The following MAEA variants were observed in gnomAD, a reference collection of about 807,000 sequenced individuals.
MAEA encodes E3 ubiquitin-protein transferase MAEA.
MAEA carries 22 observed loss-of-function variants against 46.2 expected under a neutral mutation model. The ratio of observed to expected loss-of-function variants is 0.48; its 90% confidence interval spans 0.34 to 0.68. MAEA has a LOEUF of 0.68. Ranked by LOEUF, MAEA falls within the 30% of genes least tolerant of loss-of-function variation. The pLI is 0.01. For synonymous variants in MAEA, 246 were observed against 222.6 expected (o/e 1.11, Z -0.94); for missense variants, 393 against 558.1 (o/e 0.70, Z 2.98).
intron 1 of MAEA, among the ~76,000 whole-genome samples, chr4:1,295,494 C>T (rs1734543353): frequency 6.6e-6 from 1 of 152,018 alleles, no homozygotes; most frequent in South Asian, 2.1e-4. Flanking sequence ...AGAGCAGCCT[C>T]CTTCCTCTCC....
chr4:1,322,459 C>G lies in MAEA; in HGVS notation c.535C>G (p.Leu179Val), dbSNP rs757150979. 6.2e-7 allele frequency: 1 copy of G among 1,614,046 alleles called. No homozygotes were observed. ...SLERRETATCLAWCHDNKSRL... is the reference protein window; with the variant it reads ...SLERRETATCVAWCHDNKSRL... ...GGAGAGGCGTGAGACGGCCACCTGC[C>G]TGGCCTGGTGCCATGACAACAAGTC... The change falls in exon 4 of 9, where the codon CTG becomes GTG. Residue 179 changes from leucine to valine, a missense_variant. Leu to Val is a conservative substitution (Grantham distance 32, BLOSUM62 1). Coordinates refer to ENST00000303400, the MANE Select transcript of MAEA (RefSeq NM_001017405.3).
At chr4:1,299,643 T>C (rs1410666259) in intron 1 of MAEA, 2 of 152,572 alleles carry the variant, frequency 1.3e-5, no homozygotes, top group Non-Finnish European at 2.9e-5. Context: ...CAGGCCAGCA[T>C]GCCGAGCCCA....
At chr4:1,308,519 T>A (rs1381972956) in intron 1 of MAEA, among the ~76,000 whole-genome samples, 1 of 152,230 alleles carries the variant, frequency 6.6e-6, no homozygotes, top group African/African-American at 2.4e-5. Flanking sequence ...CTCTACACGC[T>A]GCGCCGGGCA....
chr4:1,313,350 G>A (rs1245397719), intron 2 of MAEA, among the ~76,000 whole-genome samples: 1 of 152,006 alleles, frequency 6.6e-6, no homozygotes, highest in Non-Finnish European at 1.5e-5. Flanking sequence ...CACCACGATG[G>A]ACTGGAGACC....
chr4:1,309,470 G>A (rs908283726), intron 1 of MAEA: 1 of 1,314,866 alleles, frequency 7.6e-7, no homozygotes. Context: ...GGGCGTGGAT[G>A]TGGGGAGGAG....
intron 5 of MAEA, chr4:1,329,569 G>T (rs1739277905): frequency 2.0e-6 from 2 of 985,298 alleles, no homozygotes; most frequent in Non-Finnish European, 2.4e-6. Context: ...GGGGGCAGGC[G>T]CAGTGTGAGC....
chr4:1,305,127 AT>A (rs892143842), intron 1 of MAEA, among the ~76,000 whole-genome samples: 15 of 145,664 alleles, frequency 1.0e-4, no homozygotes, highest in East Asian at 4.0e-4. Context: ...TCATTTTTTC[AT>A]TTTTTTTTTG....
At chr4:1,320,428 GA>G (rs1560364458) in intron 3 of MAEA, among the ~76,000 whole-genome samples, 1 of 147,402 alleles carries the variant, frequency 6.8e-6, no homozygotes, top group Non-Finnish European at 1.5e-5. Flanking sequence ...AGGGGCTTTA[GA>G]AAGAAATTAT....
chr4:1,298,667 C>G (rs1735021037), intron 1 of MAEA, among the ~76,000 whole-genome samples: 1 of 152,158 alleles, frequency 6.6e-6, no homozygotes, highest in South Asian at 2.1e-4. Context: ...GAGCGCCATC[C>G]TCGCGTTTCC....
At chr4:1,326,043 G>A (rs1738769130) in intron 4 of MAEA, among the ~76,000 whole-genome samples, 1 of 152,334 alleles carries the variant, frequency 6.6e-6, no homozygotes, top group East Asian at 1.9e-4. Context: ...TGGAAGGCAG[G>A]TGGCCCCCGG....
chr4:1,295,638 GTACCTGTACCCCCCT>G (rs1734558480), intron 1 of MAEA, among the ~76,000 whole-genome samples: 1 of 148,740 alleles, frequency 6.7e-6, no homozygotes, highest in South Asian at 2.2e-4. Context: ...CCCATCACCC[GTACCTGTACCCCCCT>G]CACCCGCTCC....
intron 5 of MAEA, chr4:1,331,298 G>C (rs1711770828): frequency 6.6e-6 from 1 of 151,488 alleles, no homozygotes. Context: ...ACCCTGCGGG[G>C]TCGGCCGTGT....
At chr4:1,307,300 C>T (rs1478310358) in intron 1 of MAEA, among the ~76,000 whole-genome samples, 2 of 152,090 alleles carry the variant, frequency 1.3e-5, no homozygotes, top group Non-Finnish European at 2.9e-5. Context: ...AACTCCATAG[C>T]CATTGAACAA....
rs1272913982 is a variant in MAEA, at chr4:1,338,541, G to T, written c.1019G>T (p.Cys340Phe). 1 of 1,613,386 alleles carries T rather than the reference G, an allele frequency of 6.2e-7. No homozygotes were observed. Among genetic ancestry groups the T allele is most frequent in the Non-Finnish European group, 8.5e-7 (1 of 1,180,010 alleles). Residue 340 changes from cysteine (C) to phenylalanine (F), a missense_variant, in exon 8 of 9, where the codon TGC becomes TTC. Physicochemically the swap from Cys to Phe is radical, Grantham distance 205 (BLOSUM62 -2). Transcript: ENST00000303400. ...CACTGTGCCAACTCCCGCCTGGTCTGCAAGATTTCTGGCGACGTGATGAAC... is the reference window on the plus strand; with the variant it reads ...CACTGTGCCAACTCCCGCCTGGTCTTCAAGATTTCTGGCGACGTGATGAAC... ...MAHCANSRLV[C>F]KISGDVMNEN...
At chr4:1,334,958 CTG>C in intron 6 of MAEA, 2 of 985,424 alleles carry the variant, frequency 2.0e-6, no homozygotes, top group Non-Finnish European at 2.4e-6. Context: ...TTACCCTAAA[CTG>C]AGACTGAGAA....
At chr4:1,329,129 C>G in intron 5 of MAEA, 4 of 985,684 alleles carry the variant, frequency 4.1e-6, no homozygotes, top group Non-Finnish European at 3.6e-6. Context: ...ACGTGTCCAT[C>G]CCGGAGTCCC....
chr4:1,301,475 T>C (rs936951097), intron 1 of MAEA, among the ~76,000 whole-genome samples: 13 of 152,146 alleles, frequency 8.5e-5, no homozygotes, highest in African/African-American at 2.7e-4. Context: ...TTAGGAAAAA[T>C]TGGGGAGATG....
At chr4:1,321,135 C>T (rs887085337) in intron 3 of MAEA, among the ~76,000 whole-genome samples, 8 of 151,824 alleles carry the variant, frequency 5.3e-5, no homozygotes, top group African/African-American at 1.9e-4. Context: ...CAAGAAAATG[C>T]TTTGAAGGGG....
intron 1 of MAEA, among the ~76,000 whole-genome samples, chr4:1,302,702 G>A (rs1291931003): frequency 3.3e-5 from 5 of 152,102 alleles, no homozygotes; most frequent in East Asian, 1.9e-4. Flanking sequence ...GGTTGGTCTC[G>A]ATCTCCTGAC....
Sources: gnomAD v4.1 joint callset for allele counts (sites outside exome capture counted in the v4.1 genomes callset) on GRCh38, gnomAD v4.1.1 for gene constraint, MANE v1.5 for transcripts, NCBI Gene and HGNC (gene_info 2026-07-23, HGNC 2026-07-21) for gene names.